The following ERICH3 variants were observed in gnomAD, a reference collection of about 807,000 sequenced individuals.
The protein encoded by ERICH3 is glutamate rich 3.
A neutral mutation model predicts 131.1 loss-of-function variants in ERICH3; 126 were observed. That is an observed-to-expected ratio of 0.96 (90% CI 0.83 to 1.11). The LOEUF (loss-of-function observed/expected upper bound fraction) is 1.11. ERICH3 is among the 50% of genes most tolerant of loss of function. The pLI is 0.00. For missense variants in ERICH3, 2,050 were observed against 1,810.7 expected, an observed-to-expected ratio of 1.13 and a Z score of -2.40; for synonymous variants, 695 against 644.6, an observed-to-expected ratio of 1.08 and a Z score of -1.18.
chr1:74,635,968 T>C (rs1309172565), intron 6 of ERICH3, among the ~76,000 whole-genome samples: 1 of 152,202 alleles, frequency 6.6e-6, no homozygotes, highest in Admixed American at 6.5e-5. Flanking sequence ...ACTAGGTCTT[T>C]TCTGATAGAA....
In ERICH3 at chr1:74,590,085, A is replaced by G; in HGVS notation, c.1727-5T>C. 6.4e-7 allele frequency: 1 copy of G among 1,567,558 alleles called. No homozygotes were observed. The highest frequency in any genetic ancestry group is 1.2e-5 in the South Asian group (1 of 86,032). ...TTGATGAAGCAGTTTTCATATCTAC[A>G]AAAAATAAAAGTGATGACATTGTTG... On this transcript the variant is annotated splice_polypyrimidine_tract_variant and splice_region_variant and intron_variant, in intron 11 of 14. Transcript: ENST00000326665.
chr1:74,649,235 A>G lies in ERICH3; in HGVS notation c.104T>C (p.Leu35Ser). The G allele has an allele frequency of 1.9e-6, 3 of 1,610,522 alleles. No individual in the cohort carries two copies. Among genetic ancestry groups the G allele is most frequent in the African/African-American group, 2.7e-5 (2 of 74,886 alleles). Residue 35 changes from leucine to serine, a missense_variant, in exon 2 of 15, where the codon TTA (leucine) becomes TCA (serine). Leu to Ser is a moderately radical substitution (Grantham distance 145). Coordinates refer to ENST00000326665, the MANE Select transcript of ERICH3 (RefSeq NM_001002912.5). ...ACCAAAACTTACCAGTCCTGATCTTAAGAGATGACGCCTTATCCTTGTATT... is the reference window on the plus strand; with the variant it reads ...ACCAAAACTTACCAGTCCTGATCTTGAGAGATGACGCCTTATCCTTGTATT... ...FNNTRIRRHL[L>S]RSGLITRSGR...
At position 74,573,132 on chromosome 1, in the gene ERICH3, C is replaced by CACCTCTCACCT; in HGVS notation, c.2577_2578insAGGTGAGAGGT (p.Gly860ArgfsTer2). ...ACAGCATCTTTTGCTGCTGCTTGTCCTATGGGGTCTGACCCCCCTTCACCC... is the reference window on the plus strand; with the variant it reads ...ACAGCATCTTTTGCTGCTGCTTGTCCACCTCTCACCTTATGGGGTCTGACCCCCCTTCACCC... On this transcript the variant is annotated stop_gained and frameshift_variant, in exon 14 of 15. Transcript: ENST00000326665. LOFTEE classifies it high-confidence loss of function. 4 of 1,613,642 alleles carry CACCTCTCACCT rather than the reference C, an allele frequency of 2.5e-6. No homozygotes were observed. The highest frequency in any genetic ancestry group is 2.5e-6 in the Non-Finnish European group (3 of 1,179,758).
chr1:74,574,021 C>T (rs1463244681), intron 13 of ERICH3, among the ~76,000 whole-genome samples: 1 of 145,892 alleles, frequency 6.9e-6, no homozygotes, highest in East Asian at 2.0e-4. Context: ...GGCAGGGTCT[C>T]GCTGTGTCAC....
intron 11 of ERICH3, among the ~76,000 whole-genome samples, chr1:74,597,843 T>G (rs1213402936): frequency 6.6e-6 from 1 of 151,922 alleles, no homozygotes; most frequent in Non-Finnish European, 1.5e-5. Flanking sequence ...ATTTTAAAAT[T>G]CACGTGGAAC....
At chr1:74,616,230 G>A (rs888233170) in intron 8 of ERICH3, among the ~76,000 whole-genome samples, 26 of 151,952 alleles carry the variant, frequency 1.7e-4, no homozygotes, top group African/African-American at 6.3e-4. Flanking sequence ...TTGCTGGCCA[G>A]GCTGGTCTTG....
At chr1:74,605,151 C>A (rs750822637) in intron 10 of ERICH3, among the ~76,000 whole-genome samples, 13 of 151,980 alleles carry the variant, frequency 8.6e-5, no homozygotes, top group South Asian at 6.2e-4. Context: ...TGACTTCTTT[C>A]TTTAACCCTC....
In ERICH3 at chr1:74,572,824, T is replaced by C; in HGVS notation, c.2886A>G (p.Thr962=). Residue 962 remains threonine (T), a synonymous_variant, in exon 14 of 15, where the codon ACA becomes ACG. Coordinates refer to ENST00000326665, the MANE Select transcript of ERICH3 (RefSeq NM_001002912.5). ...DLEDTGPMED[T]ASKREDGSEE... ...CAGAACCGTCCTCTCTCTTTGATGC[T>C]GTGTCCTCCATGGGTCCTGTGTCCT... 6.2e-7 allele frequency: 1 copy of C among 1,613,886 alleles called. No homozygotes were observed. The highest frequency in any genetic ancestry group is 1.1e-5 in the South Asian group (1 of 91,076).
chr1:74,653,914 A>G (rs1433274836), intron 1 of ERICH3, among the ~76,000 whole-genome samples: 1 of 152,168 alleles, frequency 6.6e-6, no homozygotes, highest in Non-Finnish European at 1.5e-5. Flanking sequence ...CTCCACCATT[A>G]CTGGCTCCAT....
chr1:74,627,300 A>G (rs1274944593), intron 7 of ERICH3, among the ~76,000 whole-genome samples: 1 of 152,122 alleles, frequency 6.6e-6, no homozygotes, highest in Admixed American at 6.6e-5. Flanking sequence ...ATGAAAAAGA[A>G]TCACAAAGGA....
chr1:74,645,687 C>G (rs1206474060), intron 3 of ERICH3, among the ~76,000 whole-genome samples: 1 of 151,884 alleles, frequency 6.6e-6, no homozygotes, highest in Non-Finnish European at 1.5e-5. Context: ...ACAGCTAATA[C>G]TTTTATAAGC....
In ERICH3 at chr1:74,649,256, G is replaced by A. The variant is rs779353033; in HGVS notation, c.83C>T (p.Thr28Ile). ...TCTTAAGAGATGACGCCTTATCCTTGTATTGTTAAAATACCCAGCCAGGTG... is the reference window on the plus strand; with the variant it reads ...TCTTAAGAGATGACGCCTTATCCTTATATTGTTAAAATACCCAGCCAGGTG... ...DKHLAGYFNN[T>I]RIRRHLLRSG... Residue 28 changes from threonine (T) to isoleucine (I), a missense_variant, in exon 2 of 15, where the codon ACA becomes ATA. Transcript: ENST00000326665. 2 of 1,612,600 alleles carry A rather than the reference G, an allele frequency of 1.2e-6. No individual in the cohort carries two copies. The highest frequency in any genetic ancestry group is 2.2e-5 in the East Asian group (1 of 44,814).
At chr1:74,622,684 G>T (rs1459406275) in intron 7 of ERICH3, 1 of 152,184 alleles carries the variant, frequency 6.6e-6, no homozygotes, top group Non-Finnish European at 1.5e-5. Context: ...TAGGCGATAA[G>T]CACTATATAA....
intron 11 of ERICH3, among the ~76,000 whole-genome samples, chr1:74,598,313 A>G (rs1373758784): frequency 6.6e-6 from 1 of 151,918 alleles, no homozygotes; most frequent in Non-Finnish European, 1.5e-5. Context: ...AAAAAAACTC[A>G]TAAATTTCAT....
intron 8 of ERICH3, among the ~76,000 whole-genome samples, chr1:74,615,637 CTCTT>C (rs1274150214): frequency 2.0e-5 from 3 of 152,136 alleles, no homozygotes; most frequent in African/African-American, 7.2e-5. Context: ...ACCAAATCCT[CTCTT>C]TCTTAAAATT....
At chr1:74,656,087 T>C (rs1386657036) in intron 1 of ERICH3, among the ~76,000 whole-genome samples, 2 of 152,176 alleles carry the variant, frequency 1.3e-5, no homozygotes, top group Admixed American at 6.5e-5. Flanking sequence ...GAACCCAAAC[T>C]GAGGACTTGA....
rs1372944490 is a variant in ERICH3, at chr1:74,572,982, C to A, written c.2728G>T (p.Ala910Ser). 2.5e-6 allele frequency: 4 copies of A among 1,614,020 alleles called. No homozygotes were observed. Among genetic ancestry groups the A allele is most frequent in the Non-Finnish European group, 3.4e-6 (4 of 1,180,024 alleles). Residue 910 changes from alanine to serine, a missense_variant, in exon 14 of 15, where the codon GCC becomes TCC. Ala to Ser is a moderately conservative substitution (Grantham distance 99). Transcript: ENST00000326665. ...TCATGAAGATGCTCCAAGTTCAGGG[C>A]TGCTGCTTCATTTGCAAGCACTGCC... ...EKAVLANEAA[A>S]LNLEHLHEVA...
intron 1 of ERICH3, among the ~76,000 whole-genome samples, chr1:74,664,714 T>A (rs1646673123): frequency 6.6e-6 from 1 of 152,196 alleles, no homozygotes; most frequent in Non-Finnish European, 1.5e-5. Context: ...TTATGACTAT[T>A]ATAGAAAAAT....
chr1:74,603,603 A>G (rs2100583571), intron 10 of ERICH3, among the ~76,000 whole-genome samples: 1 of 152,030 alleles, frequency 6.6e-6, no homozygotes, highest in Admixed American at 6.6e-5. Context: ...TATTCGATAT[A>G]CAGGTATACC....
Sources: gnomAD v4.1 joint callset for allele counts (sites outside exome capture counted in the v4.1 genomes callset) on GRCh38, gnomAD v4.1.1 for gene constraint, MANE v1.5 for transcripts, NCBI Gene and HGNC (gene_info 2026-07-23, HGNC 2026-07-21) for gene names.